Variants in RPS6KC1 observed in about 807,000 individuals in gnomAD.
RPS6KC1 encodes the protein inactive ribosomal protein S6 kinase delta-1.
A neutral mutation model predicts 103.8 loss-of-function variants in RPS6KC1; 54 were observed. That is an observed-to-expected ratio of 0.52 (90% CI 0.42 to 0.65). The LOEUF is 0.65. RPS6KC1 is among the 30% of genes least tolerant of loss of function. The pLI, the probability that RPS6KC1 is intolerant of heterozygous loss-of-function variation, is 0.00. For missense variants in RPS6KC1, 1,151 were observed against 1,253.8 expected, an observed-to-expected ratio of 0.92 and a Z score of 1.24; for synonymous variants, 439 against 438.7, an observed-to-expected ratio of 1.00 and a Z score of -0.01.
intron 14 of RPS6KC1, among the ~76,000 whole-genome samples, chr1:213,266,461 ATTT>A (rs2094914399): frequency 6.6e-6 from 1 of 152,180 alleles, no homozygotes; most frequent in Non-Finnish European, 1.5e-5. Context: ...GTATTCTTAA[ATTT>A]GAGTGGCTGT....
the RPS6KC1 span, among the ~76,000 whole-genome samples, chr1:213,662,428 A>ATTTTTTTTTTTTTTTTTTTTTTTTTTTT: frequency 8.3e-6 from 1 of 120,958 alleles, no homozygotes; most frequent in Non-Finnish European, 1.7e-5. Flanking sequence ...CACCTGGCTA[A>ATTTTTTTTTTTTTTTTTTTTTTTTTTTT]TTTTTTTTTT....
At chr1:213,056,225 G>C (rs1270640964) in intron 1 of RPS6KC1, among the ~76,000 whole-genome samples, 1 of 152,266 alleles carries the variant, frequency 6.6e-6, no homozygotes, top group Non-Finnish European at 1.5e-5. Context: ...ATTTGTCACA[G>C]GGGCCCGGTG....
chr1:213,795,774 T>A, the RPS6KC1 span, among the ~76,000 whole-genome samples: 1 of 152,140 alleles, frequency 6.6e-6, no homozygotes, highest in Non-Finnish European at 1.5e-5. Flanking sequence ...TACCTTTATT[T>A]TTCTCTTCTT....
At chr1:213,770,482 G>T in the RPS6KC1 span, among the ~76,000 whole-genome samples, 1 of 152,210 alleles carries the variant, frequency 6.6e-6, no homozygotes, top group Admixed American at 6.5e-5. Flanking sequence ...CTGCTGGAGT[G>T]CATAGGAATA....
the RPS6KC1 span, among the ~76,000 whole-genome samples, chr1:213,757,070 C>T: frequency 2.2e-4 from 33 of 152,162 alleles, no homozygotes; most frequent in Non-Finnish European, 4.6e-4. Flanking sequence ...GTTGTTCCAC[C>T]ATCTCTCTCC....
the RPS6KC1 span, among the ~76,000 whole-genome samples, chr1:213,852,240 C>A: frequency 6.6e-5 from 10 of 152,304 alleles, no homozygotes; most frequent in African/African-American, 2.2e-4. Context: ...ATCTCCTTAG[C>A]ATGGCATACA....
intron 6 of RPS6KC1, among the ~76,000 whole-genome samples, chr1:213,161,750 A>G (rs1419023971): frequency 6.6e-6 from 1 of 152,232 alleles, no homozygotes; most frequent in Admixed American, 6.5e-5. Flanking sequence ...TTTATGGTAG[A>G]GATGCATTAA....
Position 213,274,360 on chromosome 1 carries a change from G to A in RPS6KC1, c.*1726G>A, listed in dbSNP as rs1389889727. ...GAACTTCCTTCCAGAAGTGCCCTGTGACATGAAAGTAGGACTTCACAACTA... is the reference window on the plus strand; with the variant it reads ...GAACTTCCTTCCAGAAGTGCCCTGTAACATGAAAGTAGGACTTCACAACTA... On this transcript the variant is annotated 3_prime_UTR_variant, in exon 15 of 15. Transcript: ENST00000366960. 6.6e-6 allele frequency: 1 copy of A among 152,166 alleles called. No individual in the cohort carries two copies. The highest frequency in any genetic ancestry group is 1.9e-4 in the East Asian group (1 of 5,194). 9.4% of individuals were successfully genotyped at this position (152,166 alleles called of 1,614,324 possible). A position where few individuals can be genotyped will look rare whatever the true frequency, so the allele number is the denominator to read the frequency against.
chr1:213,811,170 C>G, the RPS6KC1 span, among the ~76,000 whole-genome samples: 36 of 152,226 alleles, frequency 2.4e-4, no homozygotes, highest in Non-Finnish European at 4.7e-4. Flanking sequence ...TTAATTTGCT[C>G]TTTTGCTAGA....
At chr1:213,335,148 G>A in the RPS6KC1 span, among the ~76,000 whole-genome samples, 1 of 152,216 alleles carries the variant, frequency 6.6e-6, no homozygotes. Flanking sequence ...AGCTCTGACA[G>A]TCATTTTTCA....
At chr1:213,627,848 A>C in the RPS6KC1 span, among the ~76,000 whole-genome samples, 8 of 152,158 alleles carry the variant, frequency 5.3e-5, no homozygotes, top group South Asian at 2.1e-4. Flanking sequence ...AGGATTTTGG[A>C]ATCGATGTTC....
At chr1:213,825,768 T>C in the RPS6KC1 span, among the ~76,000 whole-genome samples, 1 of 152,240 alleles carries the variant, frequency 6.6e-6, no homozygotes, top group Non-Finnish European at 1.5e-5. Context: ...AGGTCCTATG[T>C]AGTTCTAATA....
At chr1:213,573,401 C>G in the RPS6KC1 span, among the ~76,000 whole-genome samples, 1 of 152,168 alleles carries the variant, frequency 6.6e-6, no homozygotes, top group Admixed American at 6.5e-5. Context: ...TGGAAAAAGA[C>G]TCAGCTTGGT....
the RPS6KC1 span, among the ~76,000 whole-genome samples, chr1:213,648,231 G>A: frequency 6.6e-6 from 1 of 152,196 alleles, no homozygotes; most frequent in Non-Finnish European, 1.5e-5. Flanking sequence ...CAGCCTGTGA[G>A]TCTGCTGCAT....
chr1:213,599,569 G>T, the RPS6KC1 span, among the ~76,000 whole-genome samples: 2 of 152,310 alleles, frequency 1.3e-5, no homozygotes, highest in South Asian at 4.1e-4. Flanking sequence ...TGTTGCTTTG[G>T]CTGCAATGAA....
chr1:213,384,669 C>A, the RPS6KC1 span, among the ~76,000 whole-genome samples: 13 of 152,180 alleles, frequency 8.5e-5, no homozygotes, highest in Non-Finnish European at 1.3e-4. Flanking sequence ...TCTCCACTTT[C>A]CCTCCCCCAG....
chr1:213,443,737 G>A, the RPS6KC1 span, among the ~76,000 whole-genome samples: 5 of 152,032 alleles, frequency 3.3e-5, no homozygotes, highest in East Asian at 5.8e-4. Context: ...GCAACATGGC[G>A]AAACCCCGTC....
the RPS6KC1 span, among the ~76,000 whole-genome samples, chr1:213,662,276 C>CA: frequency 6.6e-6 from 1 of 150,474 alleles, no homozygotes; most frequent in African/African-American, 2.4e-5. Context: ...CTTTTCTTTT[C>CA]TTTTTTTTTG....
chr1:213,635,453 G>C, the RPS6KC1 span, among the ~76,000 whole-genome samples: 1 of 152,158 alleles, frequency 6.6e-6, no homozygotes, highest in Non-Finnish European at 1.5e-5. Flanking sequence ...GGGATGCAAG[G>C]CTGGTTCAAC....
Sources: gnomAD v4.1 joint callset for allele counts (sites outside exome capture counted in the v4.1 genomes callset) on GRCh38, gnomAD v4.1.1 for gene constraint, MANE v1.5 for transcripts, NCBI Gene and HGNC (gene_info 2026-07-23, HGNC 2026-07-21) for gene names.